The following TMEM114 variants were observed in gnomAD, a reference collection of about 807,000 sequenced individuals.
TMEM114 encodes claudin-26.
Under a neutral mutation model 6.2 loss-of-function variants are expected in TMEM114, and 6 were observed. The ratio of observed to expected loss-of-function variants is 0.97; its 90% confidence interval spans 0.53 to 1.91. The LOEUF is 1.91. TMEM114 is among the 40% of genes most tolerant of loss of function. The pLI, the probability that TMEM114 is intolerant of heterozygous loss-of-function variation, is 0.01. For missense variants in TMEM114, 218 were observed against 158.3 expected (o/e 1.38, Z -2.02); for synonymous variants, 104 against 73.0 (o/e 1.42, Z -2.16).
intron 2 of TMEM114, among the ~76,000 whole-genome samples, chr16:8,562,844 ATAAG>A (rs201813492): frequency 1.4e-5 from 2 of 142,226 alleles, no homozygotes; most frequent in Non-Finnish European, 3.1e-5. Flanking sequence ...GAGTGAGTGA[ATAAG>A]TGAGTGAGTG....
At chr16:8,552,251 G>A (rs1489738892) in intron 2 of TMEM114, among the ~76,000 whole-genome samples, 1 of 151,910 alleles carries the variant, frequency 6.6e-6, no homozygotes, top group African/African-American at 2.4e-5. Context: ...AGGCATGGTT[G>A]TGTGTGCCTA....
chr16:8,528,985 C>T, the TMEM114 span, among the ~76,000 whole-genome samples: 20 of 152,346 alleles, frequency 1.3e-4, no homozygotes, highest in East Asian at 2.7e-3. Flanking sequence ...TTGTCTATTT[C>T]ATGACAGCTG....
rs115460995 is a variant in TMEM114 at position 8,544,179 on chromosome 16, C to G, written n.213-6353G>C. On this transcript the variant is annotated intron_variant and non_coding_transcript_variant, in intron 2 of 2. Transcript: ENST00000623677. The stretch of plus-strand genomic sequence containing the variant: ...TAGCAAGCAACTTTATATAGGCAAG[C>G]TGCAAAGACCAAGTAAAGCATATAT... Among the ~76,000 whole-genome samples, 180 of 152,312 alleles carry G rather than the reference C, an allele frequency of 1.2e-3. 1 individual carries two copies. The highest frequency in any genetic ancestry group is 4.3e-3 in the African/African-American group (179 of 41,572).
chr16:8,538,257 G>T (rs1430580927), intron 2 of TMEM114, among the ~76,000 whole-genome samples: 2 of 151,354 alleles, frequency 1.3e-5, no homozygotes, highest in Non-Finnish European at 2.9e-5. Flanking sequence ...CCACTGCACT[G>T]TAGCCTGGGT....
chr16:8,556,791 C>G (rs1901025326), intron 2 of TMEM114, among the ~76,000 whole-genome samples: 1 of 152,170 alleles, frequency 6.6e-6, no homozygotes, highest in Non-Finnish European at 1.5e-5. Context: ...GCGTGAGCCA[C>G]CGCGCCTGAC....
At chr16:8,576,717 AG>A (rs1901943389) in intron 2 of TMEM114, among the ~76,000 whole-genome samples, 2 of 64,228 alleles carry the variant, frequency 3.1e-5, no homozygotes, top group South Asian at 3.8e-4. Flanking sequence ...GAAGGAAGGA[AG>A]GAAGGAAGGA....
At chr16:8,560,133 C>T (rs1352506058) in intron 2 of TMEM114, among the ~76,000 whole-genome samples, 1 of 152,160 alleles carries the variant, frequency 6.6e-6, no homozygotes, top group Non-Finnish European at 1.5e-5. Context: ...GCTGGGACTA[C>T]AGGTGCACAC....
At chr16:8,534,457 G>T (rs1054391033), downstream of TMEM114, among the ~76,000 whole-genome samples, 2 of 152,100 alleles carry the variant, frequency 1.3e-5, no homozygotes, top group Admixed American at 6.6e-5. Context: ...GAATTGCTTT[G>T]AGGGCTAATC....
chr16:8,570,320 G>C (rs1281526503), intron 3 of TMEM114, among the ~76,000 whole-genome samples: 1 of 81,814 alleles, frequency 1.2e-5, no homozygotes, highest in Non-Finnish European at 2.4e-5. Flanking sequence ...GCATTCTTTT[G>C]TGTAATTTTT....
intron 2 of TMEM114, among the ~76,000 whole-genome samples, chr16:8,585,199 T>C (rs9929718): frequency 0.18 from 27,695 of 152,082 alleles, 2,649 homozygotes; most frequent in South Asian, 0.21. Flanking sequence ...GGGAAAGACC[T>C]GCCCCAATGA....
At chr16:8,544,295 C>A (rs1008581966) in intron 2 of TMEM114, among the ~76,000 whole-genome samples, 1 of 152,154 alleles carries the variant, frequency 6.6e-6, no homozygotes, top group Admixed American at 6.5e-5. Flanking sequence ...AAGTGGTAAA[C>A]GAATACTCAA....
At chr16:8,561,839 AGTGAGTGAATG>A (rs1901216895) in intron 2 of TMEM114, among the ~76,000 whole-genome samples, 1 of 151,860 alleles carries the variant, frequency 6.6e-6, no homozygotes, top group Non-Finnish European at 1.5e-5. Flanking sequence ...TGAGTGAATG[AGTGAGTGAATG>A]AATGAGTGAG....
intron 2 of TMEM114, among the ~76,000 whole-genome samples, chr16:8,555,906 C>A (rs13338083): frequency 0.44 from 66,710 of 151,970 alleles, 15,332 homozygotes; most frequent in African/African-American, 0.57. Context: ...TGGTTGGCCT[C>A]ACCCTAAGAA....
chr16:8,552,747 C>T (rs528905206), intron 2 of TMEM114, among the ~76,000 whole-genome samples: 1,406 of 124,256 alleles, frequency 0.011, 14 homozygotes, highest in African/African-American at 0.038. Context: ...TAAGGTCCTA[C>T]CTGCTCCTGA....
chr16:8,531,654 T>G, the TMEM114 span, among the ~76,000 whole-genome samples: 2 of 152,220 alleles, frequency 1.3e-5, no homozygotes, highest in African/African-American at 2.4e-5. Context: ...TTTGGTGAAC[T>G]CATCCATAGA....
chr16:8,544,078 T>G (rs771197724), intron 2 of TMEM114, among the ~76,000 whole-genome samples: 7 of 152,214 alleles, frequency 4.6e-5, no homozygotes, highest in Non-Finnish European at 1.0e-4. Flanking sequence ...TTCTTTTTGT[T>G]GATAGATTTT....
intron 2 of TMEM114, among the ~76,000 whole-genome samples, chr16:8,555,917 G>A (rs901793332): frequency 6.6e-6 from 1 of 152,144 alleles, no homozygotes; most frequent in African/African-American, 2.4e-5. Flanking sequence ...ACCCTAAGAA[G>A]TATCTCCAAC....
chr16:8,571,788 A>T (rs1362085607), intron 3 of TMEM114, among the ~76,000 whole-genome samples: 11 of 152,196 alleles, frequency 7.2e-5, no homozygotes, highest in African/African-American at 2.7e-4. Context: ...CTGCCAGCTC[A>T]CAGCCCTAAA....
Position 8,589,699 on chromosome 16 carries a change from G to T in TMEM114, c.140C>A (p.Ala47Glu), listed in dbSNP as rs917200428. ...ATTGATGGACCCCAGCAGGTCCTGC[G>T]CCCCCGGGCCAGTCCTCTCCAGCCG... The part of the protein sequence containing the change: ...TERLERTGPG[A>E]QDLLGSINRS... The change falls in exon 1 of 4, where the codon GCG becomes GAG. Residue 47 changes from alanine to glutamate, a missense_variant. Physicochemically the swap from Ala to Glu is moderately radical, Grantham distance 107. Transcript: ENST00000620492. 6 of 398,472 alleles carry T rather than the reference G, an allele frequency of 1.5e-5. No individual in the cohort carries two copies. In the South Asian group the frequency reaches 6.4e-4, roughly 42 times the overall value. 24.7% of individuals were successfully genotyped at this position (398,472 alleles called of 1,614,324 possible).
Sources: gnomAD v4.1 joint callset for allele counts (sites outside exome capture counted in the v4.1 genomes callset) on GRCh38, gnomAD v4.1.1 for gene constraint, MANE v1.5 for transcripts, NCBI Gene and HGNC (gene_info 2026-07-23, HGNC 2026-07-21) for gene names.